TMEM177: variants seen among roughly 807,000 people sequenced by gnomAD.
The protein encoded by TMEM177 is transmembrane protein 177.
TMEM177 carries 4 observed loss-of-function variants against 14.2 expected under a neutral mutation model. That is an observed-to-expected ratio of 0.28 (90% CI 0.14 to 0.64). The LOEUF (loss-of-function observed/expected upper bound fraction) is 0.64. Ranked by LOEUF, TMEM177 falls within the 30% of genes least tolerant of loss-of-function variation. The pLI, the probability that TMEM177 is intolerant of heterozygous loss-of-function variation, is 0.82. For synonymous variants in TMEM177, 179 were observed against 174.5 expected (o/e 1.03, Z -0.20); for missense variants, 344 against 405.2 (o/e 0.85, Z 1.30).
chr2:119,719,458 C>T, the TMEM177 span, among the ~76,000 whole-genome samples: 1 of 152,152 alleles, frequency 6.6e-6, no homozygotes, highest in African/African-American at 2.4e-5. Flanking sequence ...GTAAGCCAAG[C>T]GTGGGTGCTG....
chr2:119,692,448 C>T, the TMEM177 span, among the ~76,000 whole-genome samples: 3 of 152,208 alleles, frequency 2.0e-5, no homozygotes, highest in African/African-American at 4.8e-5. Flanking sequence ...CAGGCCATGT[C>T]CCCAGGCGAA....
chr2:119,716,573 A>G, the TMEM177 span, among the ~76,000 whole-genome samples: 1 of 152,178 alleles, frequency 6.6e-6, no homozygotes, highest in Non-Finnish European at 1.5e-5. Context: ...AGGGACCCAC[A>G]GGGGAACAAT....
At chr2:119,712,765 C>T in the TMEM177 span, among the ~76,000 whole-genome samples, 2 of 152,340 alleles carry the variant, frequency 1.3e-5, no homozygotes, top group African/African-American at 4.8e-5. Context: ...CAATTCTAAA[C>T]AATGCCAGTG....
the TMEM177 span, among the ~76,000 whole-genome samples, chr2:119,701,947 C>A: frequency 6.6e-6 from 1 of 152,170 alleles, no homozygotes; most frequent in Non-Finnish European, 1.5e-5. Context: ...CTCAGCTGAT[C>A]CATCCAGTGC....
At chr2:119,685,364 C>T (rs1333026786), downstream of TMEM177, among the ~76,000 whole-genome samples, 2 of 152,026 alleles carry the variant, frequency 1.3e-5, no homozygotes, top group African/African-American at 4.8e-5. Context: ...CTGCCTCAGT[C>T]CCCACCAGTG....
the TMEM177 span, among the ~76,000 whole-genome samples, chr2:119,720,569 C>G: frequency 9.1e-4 from 138 of 152,296 alleles, no homozygotes; most frequent in African/African-American, 3.2e-3. Context: ...CATGCCCAGC[C>G]TATTCCCAGT....
chr2:119,703,193 A>G, the TMEM177 span, among the ~76,000 whole-genome samples: 1 of 152,238 alleles, frequency 6.6e-6, no homozygotes, highest in Non-Finnish European at 1.5e-5. Context: ...CCCTGGGCCC[A>G]GCCCTGCATT....
chr2:119,683,593 C>T (rs966797826), downstream of TMEM177, among the ~76,000 whole-genome samples: 1 of 152,132 alleles, frequency 6.6e-6, no homozygotes, highest in Admixed American at 6.5e-5. Flanking sequence ...CTGATCTGCC[C>T]GAACCATTAG....
At chr2:119,711,869 G>A in the TMEM177 span, among the ~76,000 whole-genome samples, 4 of 152,134 alleles carry the variant, frequency 2.6e-5, no homozygotes, top group African/African-American at 4.8e-5. Context: ...AGCAAGTTAC[G>A]CCAGATGACC....
chr2:119,694,280 CCACA>C, the TMEM177 span, among the ~76,000 whole-genome samples: 4,449 of 149,564 alleles, frequency 0.03, 68 homozygotes, highest in South Asian at 0.037. Flanking sequence ...GTGTGGTATA[CCACA>C]CACACACACA....
At chr2:119,712,222 G>A in the TMEM177 span, among the ~76,000 whole-genome samples, 137 of 151,998 alleles carry the variant, frequency 9.0e-4, no homozygotes, top group Non-Finnish European at 1.6e-3. Context: ...TTGATAGGTG[G>A]ATTGTTGCTG....
chr2:119,713,273 G>A, the TMEM177 span, among the ~76,000 whole-genome samples: 2 of 151,976 alleles, frequency 1.3e-5, no homozygotes, highest in African/African-American at 2.4e-5. Context: ...TCTCCGTGTT[G>A]GTCAGGCTGG....
the TMEM177 span, among the ~76,000 whole-genome samples, chr2:119,721,348 G>C: frequency 2.6e-4 from 40 of 152,370 alleles, 1 homozygote; most frequent in African/African-American, 9.4e-4. Context: ...GATGCACTGG[G>C]AGAGTGATAT....
At chr2:119,715,285 G>A in the TMEM177 span, among the ~76,000 whole-genome samples, 3 of 152,200 alleles carry the variant, frequency 2.0e-5, no homozygotes, top group African/African-American at 7.2e-5. Flanking sequence ...CTCCTCTGGA[G>A]GGTGAGGTGG....
chr2:119,715,492 C>A, the TMEM177 span, among the ~76,000 whole-genome samples: 209 of 152,224 alleles, frequency 1.4e-3, no homozygotes, highest in Middle Eastern at 3.4e-3. Flanking sequence ...CATCTCCTCA[C>A]CCCCAGCATG....
the TMEM177 span, chr2:119,699,814 G>T: frequency 2.9e-4 from 106 of 361,576 alleles, 1 homozygote; most frequent in African/African-American, 2.1e-3. Context: ...AGTTGGTAGT[G>T]CCCAGGCCAA....
chr2:119,701,917 T>G, the TMEM177 span, among the ~76,000 whole-genome samples: 1 of 152,156 alleles, frequency 6.6e-6, no homozygotes, highest in South Asian at 2.1e-4. Context: ...ACAGGTTGAG[T>G]CAGATTACCG....
chr2:119,690,747 C>T (rs1028149286), downstream of TMEM177, among the ~76,000 whole-genome samples: 1 of 152,310 alleles, frequency 6.6e-6, no homozygotes, highest in Non-Finnish European at 1.5e-5. Flanking sequence ...GACGCTGGCT[C>T]GCTAGTTAAG....
At chr2:119,707,664 A>T in the TMEM177 span, among the ~76,000 whole-genome samples, 1 of 152,198 alleles carries the variant, frequency 6.6e-6, no homozygotes, top group Non-Finnish European at 1.5e-5. Context: ...AAGGGATGAG[A>T]TGCTAATGTG....
Sources: allele counts gnomAD v4.1 joint callset (sites outside exome capture counted in the v4.1 genomes callset), GRCh38; gene constraint gnomAD v4.1.1; transcripts MANE v1.5; gene names NCBI Gene and HGNC (gene_info 2026-07-23, HGNC 2026-07-21).